The following TRPM7 variants were observed in gnomAD, a reference collection of about 807,000 sequenced individuals.
TRPM7 encodes the protein transient receptor potential cation channel subfamily M member 7, also known as LTRPC ion channel family member 7.
A neutral mutation model predicts 229.7 loss-of-function variants in TRPM7; 134 were observed. The observed-to-expected ratio is 0.58, with a 90% CI of 0.51 to 0.67. The LOEUF is 0.67. Ranked by LOEUF, TRPM7 falls within the 30% of genes least tolerant of loss-of-function variation. The pLI, the probability that TRPM7 is intolerant of heterozygous loss-of-function variation, is 0.00. For synonymous variants in TRPM7, 699 were observed against 715.2 expected, an observed-to-expected ratio of 0.98 and a Z score of 0.36; for missense variants, 1,901 against 2,210.0, an observed-to-expected ratio of 0.86 and a Z score of 2.80.
At chr15:50,675,436 G>C (rs1018239806) in intron 1 of TRPM7, among the ~76,000 whole-genome samples, 1 of 151,456 alleles carries the variant, frequency 6.6e-6, no homozygotes, top group African/African-American at 2.4e-5. Flanking sequence ...TTCTGTTTAT[G>C]TAACAGCCAA....
At chr15:50,669,634 A>C (rs1351671548) in intron 1 of TRPM7, among the ~76,000 whole-genome samples, 1 of 152,200 alleles carries the variant, frequency 6.6e-6, no homozygotes, top group Non-Finnish European at 1.5e-5. Context: ...AAAATGGGAC[A>C]CTGGAGTGAG....
At chr15:50,678,114 G>A (rs1341090759) in intron 1 of TRPM7, among the ~76,000 whole-genome samples, 1 of 151,450 alleles carries the variant, frequency 6.6e-6, no homozygotes, top group Non-Finnish European at 1.5e-5. Context: ...GGTGGTGGGC[G>A]CCTGTAGTCC....
Position 50,635,600 on chromosome 15 carries a change from T to C in TRPM7, c.833-1044A>G, listed in dbSNP as rs538633153. The stretch of plus-strand genomic sequence containing the variant: ...ATTACTTGAACCCGGGAGGCGAAAG[T>C]TGCAGTGAGCTGAGATCGTGCCACT... On this transcript the variant is annotated intron_variant, in intron 7 of 38. Coordinates refer to ENST00000646667, the MANE Select transcript of TRPM7 (RefSeq NM_017672.6). Among the ~76,000 whole-genome samples, 250 of 142,388 alleles carry C rather than the reference T, an allele frequency of 1.8e-3. 2 individuals carry two copies. Among genetic ancestry groups the C allele is most frequent in the Admixed American group, 5.3e-3 (72 of 13,486 alleles). The allele number at this position is 142,388 out of a possible 152,430, so 93.4% of individuals were successfully genotyped here. A position where few individuals can be genotyped will look rare whatever the true frequency, so the allele number is the denominator to read the frequency against.
chr15:50,620,707 G>A (rs1295342563), intron 12 of TRPM7, among the ~76,000 whole-genome samples: 1 of 152,118 alleles, frequency 6.6e-6, no homozygotes, highest in Non-Finnish European at 1.5e-5. Context: ...GAAGCGGGTG[G>A]ATCACCTGAG....
intron 1 of TRPM7, among the ~76,000 whole-genome samples, chr15:50,675,304 T>C (rs946436153): frequency 4.0e-5 from 6 of 151,768 alleles, no homozygotes; most frequent in African/African-American, 1.5e-4. Context: ...GATCACGCCA[T>C]TGCACTCCAA....
At chr15:50,657,657 G>C in intron 3 of TRPM7, 124 bp downstream of exon 3, 1 of 813,832 alleles carries the variant, frequency 1.2e-6, no homozygotes, top group South Asian at 2.0e-5. Context: ...TCCAAGTCTA[G>C]GTAAAGTACC....
At chr15:50,653,585 C>T (rs2061480497) in intron 3 of TRPM7, among the ~76,000 whole-genome samples, 1 of 152,096 alleles carries the variant, frequency 6.6e-6, no homozygotes, top group Non-Finnish European at 1.5e-5. Flanking sequence ...ATGAGGTAAA[C>T]CCCCATGACT....
chr15:50,607,539 G>T (rs768274759), intron 19 of TRPM7, among the ~76,000 whole-genome samples: 1 of 151,998 alleles, frequency 6.6e-6, no homozygotes, highest in Admixed American at 6.6e-5. Flanking sequence ...GAGTATAAAC[G>T]TGTTGTTCTA....
Position 50,575,983 on chromosome 15 carries a change from C to T in TRPM7, c.4619-64G>A, listed in dbSNP as rs1014170010. The T allele has an allele frequency of 7.1e-5, 105 of 1,481,084 alleles. No homozygotes were observed. The highest frequency in any genetic ancestry group is 8.9e-5 in the Non-Finnish European group (96 of 1,080,338). 91.7% of individuals were successfully genotyped at this position (1,481,084 alleles called of 1,614,324 possible). A position where few individuals can be genotyped will look rare whatever the true frequency, so the allele number is the denominator to read the frequency against. ...TACTAGTACAGCAAAAATTTTAACC[C>T]GGATAATCTCATAAAATCATTTTGA... On this transcript the variant is annotated intron_variant, in intron 31 of 38. Coordinates refer to ENST00000646667, the MANE Select transcript of TRPM7 (RefSeq NM_017672.6).
chr15:50,682,173 CAAAAA>C (rs34590459), intron 1 of TRPM7, among the ~76,000 whole-genome samples: 8 of 63,678 alleles, frequency 1.3e-4, no homozygotes, highest in Middle Eastern at 0.014. Context: ...AACTCAGTCT[CAAAAA>C]AAAAAAAAAA....
intron 38 of TRPM7, among the ~76,000 whole-genome samples, chr15:50,569,439 T>TA (rs1234480944): frequency 6.6e-6 from 1 of 152,136 alleles, no homozygotes; most frequent in Non-Finnish European, 1.5e-5. Flanking sequence ...TAAAGGCAAA[T>TA]ACGTTAGTTT....
At chr15:50,638,786 A>C (rs2061001099) in intron 6 of TRPM7, among the ~76,000 whole-genome samples, 1 of 152,078 alleles carries the variant, frequency 6.6e-6, no homozygotes, top group Non-Finnish European at 1.5e-5. Context: ...TCCAGTTTCA[A>C]GCAATTCTCC....
chr15:50,652,104 G>A (rs1305746289), intron 3 of TRPM7, among the ~76,000 whole-genome samples: 14 of 151,394 alleles, frequency 9.2e-5, no homozygotes, highest in African/African-American at 1.7e-4. Context: ...GGGCCGAGGC[G>A]GGTGGACCAC....
At chr15:50,660,998 A>G (rs1417342574) in intron 2 of TRPM7, among the ~76,000 whole-genome samples, 1 of 150,850 alleles carries the variant, frequency 6.6e-6, no homozygotes, top group African/African-American at 2.4e-5. Context: ...TTTTTGAGAC[A>G]GAGTTTCACT....
chr15:50,577,625 T>C (rs1323963031), intron 31 of TRPM7, among the ~76,000 whole-genome samples: 1 of 152,110 alleles, frequency 6.6e-6, no homozygotes, highest in Non-Finnish European at 1.5e-5. Flanking sequence ...GACCCCAAAC[T>C]GGTATAACCA....
Position 50,559,769 on chromosome 15 carries a change from G to A in TRPM7, c.*1909C>T, listed in dbSNP as rs1410660493. Reference sequence around the variant, plus strand: ...CTGGTACACAGTAGGCACTAAATAAGTGTTAGCAGCCAGGTGCGGTGGCTC... The same window carrying A: ...CTGGTACACAGTAGGCACTAAATAAATGTTAGCAGCCAGGTGCGGTGGCTC... On this transcript the variant is annotated 3_prime_UTR_variant, in exon 39 of 39. Transcript: ENST00000646667. 1 of 151,918 alleles carries A rather than the reference G, an allele frequency of 6.6e-6. No homozygotes were observed. The highest frequency in any genetic ancestry group is 1.5e-5 in the Non-Finnish European group (1 of 67,966). 9.4% of individuals were successfully genotyped at this position (151,918 alleles called of 1,614,324 possible).
intron 4 of TRPM7, among the ~76,000 whole-genome samples, chr15:50,645,610 G>A (rs2061240184): frequency 6.6e-6 from 1 of 152,156 alleles, no homozygotes; most frequent in Non-Finnish European, 1.5e-5. Flanking sequence ...GGGATTACAG[G>A]CATAAGCCAC....
intron 19 of TRPM7, 35 bp downstream of exon 19, chr15:50,609,546 T>TAA: frequency 1.3e-6 from 2 of 1,578,436 alleles, no homozygotes; most frequent in Non-Finnish European, 1.7e-6. Flanking sequence ...GCCTAACTCT[T>TAA]AAAAACATTA....
At chr15:50,596,681 C>T (rs2059640435) in intron 22 of TRPM7, among the ~76,000 whole-genome samples, 1 of 152,172 alleles carries the variant, frequency 6.6e-6, no homozygotes, top group African/African-American at 2.4e-5. Context: ...AGGGTTTAAC[C>T]TGACGAGCAC....
Sources: allele counts gnomAD v4.1 joint callset (sites outside exome capture counted in the v4.1 genomes callset), GRCh38; gene constraint gnomAD v4.1.1; transcripts MANE v1.5; gene names NCBI Gene and HGNC (gene_info 2026-07-23, HGNC 2026-07-21).